Variants in PC observed in about 807,000 individuals in gnomAD.
PC encodes the protein pyruvate carboxylase.
In PC, 46 loss-of-function variants were observed where a neutral mutation model predicts 107.8. That is an observed-to-expected ratio of 0.43 (90% CI 0.34 to 0.55). PC has a LOEUF of 0.55. PC is among the 20% of genes least tolerant of loss of function. PC has a pLI of 0.04. For missense variants in PC, 1,241 were observed against 1,643.1 expected, an observed-to-expected ratio of 0.76 and a Z score of 4.23; for synonymous variants, 662 against 684.7, an observed-to-expected ratio of 0.97 and a Z score of 0.52.
At chr11:66,943,417 G>C (rs535183787) in intron 3 of PC, among the ~76,000 whole-genome samples, 2 of 152,142 alleles carry the variant, frequency 1.3e-5, no homozygotes, top group South Asian at 4.2e-4. Context: ...CTTGATCTTG[G>C]ACTTCTCAGC....
Position 66,892,240 on chromosome 11 carries a change from G to A in PC, c.1-20081C>T, listed in dbSNP as rs1947603661. On this transcript the variant is annotated intron_variant, in intron 3 of 22. Transcript: ENST00000393960. ...ACTAGATGAAGAACACTTCCCCTGAGACCAGAGTGCCTAAGAGTTCTGGGA... is the reference window on the plus strand; with the variant it reads ...ACTAGATGAAGAACACTTCCCCTGAAACCAGAGTGCCTAAGAGTTCTGGGA... 2.0e-5 allele frequency among the ~76,000 whole-genome samples: 3 copies of A among 152,218 alleles called. No homozygotes were observed. In the South Asian group the frequency reaches 6.2e-4, roughly 31 times the overall value.
chr11:66,935,515 C>T (rs906623765), intron 3 of PC, among the ~76,000 whole-genome samples: 12 of 152,150 alleles, frequency 7.9e-5, no homozygotes, highest in Admixed American at 5.2e-4. Context: ...AAGCTGCAAA[C>T]GTCCATGAAG....
chr11:66,898,321 G>C (rs1372734236), intron 3 of PC, among the ~76,000 whole-genome samples: 1 of 152,186 alleles, frequency 6.6e-6, no homozygotes, highest in Non-Finnish European at 1.5e-5. Context: ...TTCAGGGCCA[G>C]GGTTTTGTTT....
chr11:66,881,401 C>T (rs1947184729), intron 3 of PC, among the ~76,000 whole-genome samples: 1 of 152,254 alleles, frequency 6.6e-6, no homozygotes, highest in South Asian at 2.1e-4. Context: ...GCTTCCTCCC[C>T]TGCTGCCTCT....
At chr11:66,958,081 G>A (rs1287153283) in intron 1 of PC, 1 of 151,254 alleles carries the variant, frequency 6.6e-6, no homozygotes, top group Non-Finnish European at 1.5e-5. Flanking sequence ...GCCGGGGGCG[G>A]GTCCGGGGGC....
At chr11:66,921,673 G>A (rs1948600256) in intron 3 of PC, among the ~76,000 whole-genome samples, 1 of 152,132 alleles carries the variant, frequency 6.6e-6, no homozygotes, top group Non-Finnish European at 1.5e-5. Flanking sequence ...CCCTGGACAA[G>A]CAGTTCACCC....
intron 1 of PC, among the ~76,000 whole-genome samples, chr11:66,956,742 A>C (rs552159878): frequency 6.6e-6 from 1 of 152,158 alleles, no homozygotes; most frequent in Non-Finnish European, 1.5e-5. Context: ...ATCCCCTTCC[A>C]GGCCATTTCT....
intron 3 of PC, among the ~76,000 whole-genome samples, chr11:66,889,987 A>C (rs1947508694): frequency 6.6e-6 from 1 of 152,214 alleles, no homozygotes; most frequent in Admixed American, 6.5e-5. Flanking sequence ...GAATGACTGC[A>C]CAATGTTCTA....
At position 66,852,988 on chromosome 11, in the gene PC, C is replaced by T. The variant is rs1163756094; in HGVS notation, c.1514-152G>A. 3 of 716,552 alleles carry T rather than the reference C, an allele frequency of 4.2e-6. No individual in the cohort carries two copies. The highest frequency in any genetic ancestry group is 5.4e-5 in the East Asian group (2 of 36,860). The allele number at this position is 716,552 out of a possible 1,614,324, so 44.4% of individuals were successfully genotyped here. ...CCTGTCCTCTCCAAAGCCAGGGCCT[C>T]CTGGGTACAGGCAGTGGGGACGTCT... On this transcript the variant is annotated intron_variant, in intron 13 of 22. Coordinates refer to ENST00000393960, the MANE Select transcript of PC (RefSeq NM_001040716.2). The surrounding 1 kb of genome is among the most constrained non-coding windows in gnomAD (Gnocchi z 4.7).
rs894803860 is a variant in PC, at chr11:66,858,669, G to A, written c.1368+5105C>T. On this transcript the variant is annotated intron_variant, in intron 12 of 22. Coordinates refer to ENST00000393960, the MANE Select transcript of PC (RefSeq NM_001040716.2). This position sits in a 1 kb window ranked among gnomAD's most constrained non-coding sequence, Gnocchi z 5.9. ...GCGGTGCCGGGCCCTGGGTGACCCC[G>A]CGCCTACCATGCACTGGGTCGGTCC... The A allele has an allele frequency of 1.0e-5, 16 of 1,544,594 alleles. No individual in the cohort carries two copies. In the Admixed American group the frequency reaches 1.4e-4, roughly 13 times the overall value.
In PC at chr11:66,851,180, T is replaced by C. The variant is rs765486889; in HGVS notation, c.2083A>G (p.Ser695Gly). ...GCAGCCTCCACCACGCCTCCGGCAC[T>C]TCCTGCCGCCTCCATGCCCAGCAGC... ...NMLLGMEAAG[S>G]AGGVVEAAIS... Residue 695 changes from serine to glycine, a missense_variant, in exon 17 of 23, where the codon AGT (serine) becomes GGT (glycine). This residue lies in a region of PC where 1,143 missense variants were observed against 1,551.9 expected (regional missense o/e 0.74). Coordinates refer to ENST00000393960, the MANE Select transcript of PC (RefSeq NM_001040716.2). 6 of 1,611,374 alleles carry C rather than the reference T, an allele frequency of 3.7e-6. No homozygotes were observed. The highest frequency in any genetic ancestry group is 1.3e-5 in the African/African-American group (1 of 74,940).
At chr11:66,955,735 C>CAGCTGGGCCCTCAGAGCCCTGT (rs1949545052) in intron 1 of PC, among the ~76,000 whole-genome samples, 1 of 151,960 alleles carries the variant, frequency 6.6e-6, no homozygotes, top group African/African-American at 2.4e-5. Context: ...CTCAGGCCTG[C>CAGCTGGGCCCTCAGAGCCCTGT]AGCTGGGCCC....
chr11:66,855,750 G>A (rs1945767750), intron 12 of PC, among the ~76,000 whole-genome samples: 1 of 152,220 alleles, frequency 6.6e-6, no homozygotes, highest in African/African-American at 2.4e-5. Context: ...CTGGCTGCCT[G>A]TAAGCCCCTC....
In PC at chr11:66,956,154, C is replaced by T. The variant is rs1949556482; in HGVS notation, c.-227-1718G>A. On this transcript the variant is annotated intron_variant, in intron 1 of 22. Transcript: ENST00000393960. ...CCTGCACCTTAGCAAATCCTAGTGC[C>T]CTCACCTGGTTACATCTCCTGTAGA... Among the ~76,000 whole-genome samples, 3 of 152,194 alleles carry T rather than the reference C, an allele frequency of 2.0e-5. No individual in the cohort carries two copies. In the South Asian group the frequency reaches 6.2e-4, roughly 32 times the overall value.
chr11:66,945,128 C>T lies in PC; in HGVS notation c.-1+7302G>A, dbSNP rs138670422. 3.4e-5 allele frequency among the ~76,000 whole-genome samples: 4 copies of T among 116,342 alleles called. 2 individuals are homozygous for T. Among genetic ancestry groups the T allele is most frequent in the African/African-American group, 1.2e-4 (4 of 32,490 alleles). 76.3% of individuals were successfully genotyped at this position (116,342 alleles called of 152,430 possible). A position where few individuals can be genotyped will look rare whatever the true frequency, so the allele number is the denominator to read the frequency against. On this transcript the variant is annotated intron_variant, in intron 3 of 22. Transcript: ENST00000393960. Reference sequence around the variant, plus strand: ...ATGCTATAATTTATTGGTAACCAGGCGTGATCAGAAAGTAAGAACTCTTAA... The same window carrying T: ...ATGCTATAATTTATTGGTAACCAGGTGTGATCAGAAAGTAAGAACTCTTAA...
intron 3 of PC, among the ~76,000 whole-genome samples, chr11:66,910,111 G>A (rs1034630325): frequency 9.2e-5 from 14 of 152,234 alleles, no homozygotes; most frequent in South Asian, 2.1e-4. Context: ...AAACACAAGC[G>A]GGGGGAGTAA....
Position 66,858,901 on chromosome 11 carries a change from C to T in PC, c.1368+4873G>A. Reference sequence around the variant, plus strand: ...AGTGCCGAGGGGGGCCGCCCCGGGCCCTCGGACATCGCCGCCTCCGCTCGC... The same window carrying T: ...AGTGCCGAGGGGGGCCGCCCCGGGCTCTCGGACATCGCCGCCTCCGCTCGC... On this transcript the variant is annotated intron_variant, in intron 12 of 22. Transcript: ENST00000393960. This position sits in a 1 kb window ranked among gnomAD's most constrained non-coding sequence, Gnocchi z 5.9. 6.4e-7 allele frequency: 1 copy of T among 1,562,538 alleles called. No homozygotes were observed. The highest frequency in any genetic ancestry group is 8.7e-7 in the Non-Finnish European group (1 of 1,152,744).
intron 10 of PC, among the ~76,000 whole-genome samples, 173 bp downstream of exon 10, chr11:66,868,673 G>T (rs1028259715): frequency 6.6e-6 from 1 of 152,208 alleles, no homozygotes; most frequent in Admixed American, 6.5e-5. Context: ...TAATAACCAC[G>T]TAATGCTTTT....
At chr11:66,916,642 A>ACAGAAAGTACAAAAGATTTGGGAG (rs1948469416) in intron 3 of PC, among the ~76,000 whole-genome samples, 1 of 152,170 alleles carries the variant, frequency 6.6e-6, no homozygotes, top group African/African-American at 2.4e-5. Context: ...GCATGACACT[A>ACAGAAAGTACAAAAGATTTGGGAG]CAGAAAGTAC....
Sources: gnomAD v4.1 joint callset for allele counts (sites outside exome capture counted in the v4.1 genomes callset) on GRCh38, gnomAD v4.1.1 for gene constraint, gnomAD v4.1.1 regional missense constraint, Gnocchi (gnomAD v3.1) non-coding constraint, MANE v1.5 for transcripts, NCBI Gene and HGNC (gene_info 2026-07-23, HGNC 2026-07-21) for gene names.